The following DNA2 variants were observed in gnomAD, a reference collection of about 807,000 sequenced individuals.
DNA2 encodes the protein DNA replication helicase/nuclease 2.
A neutral mutation model predicts 119.1 loss-of-function variants in DNA2; 101 were observed. The observed-to-expected ratio is 0.85, with a 90% confidence interval of 0.72 to 1.00. The LOEUF is 1.00. Ranked by LOEUF, DNA2 falls within the 50% of genes least tolerant of loss-of-function variation. DNA2 has a pLI of 0.00. For synonymous variants in DNA2, 366 were observed against 424.4 expected (o/e 0.86, Z 1.69); for missense variants, 1,121 against 1,255.5 (o/e 0.89, Z 1.62).
chr10:68,451,096 T>TAAAAAAAAAAAAAAAAAAAA (rs754298528), intron 5 of DNA2, among the ~76,000 whole-genome samples: 2 of 98,848 alleles, frequency 2.0e-5, no homozygotes, highest in Non-Finnish European at 4.2e-5. Context: ...CAAGACTGTC[T>TAAAAAAAAAAAAAAAAAAAA]AAAAAAAAAA....
rs1554905593 is a variant in DNA2 at position 68,437,482 on chromosome 10, A to AAAC, written c.1416-242_1416-241insGTT. 7.9e-3 allele frequency among the ~76,000 whole-genome samples: 1,193 copies of AAAC among 151,184 alleles called. 26 individuals are homozygous for AAAC. The highest frequency in any genetic ancestry group is 0.028 in the African/African-American group (1,147 of 41,116). ...GAAAACCCTATCTCTACTAAAAAAA[A>AAAC]AAAAATAAAAATAAAAAATTAGCCA... is the stretch of plus-strand genomic sequence containing the variant. On this transcript the variant is annotated intron_variant, in intron 9 of 20. Coordinates refer to ENST00000358410, the MANE Select transcript of DNA2 (RefSeq NM_001080449.3).
At chr10:68,462,138 A>C (rs931687061) in intron 4 of DNA2, among the ~76,000 whole-genome samples, 1 of 152,224 alleles carries the variant, frequency 6.6e-6, no homozygotes, top group Non-Finnish European at 1.5e-5. Context: ...TGGGAAGCCA[A>C]GACGAGTGGA....
At position 68,468,253 on chromosome 10, in the gene DNA2, G is replaced by A; in HGVS notation, c.311C>T (p.Thr104Ile). 1 of 1,610,838 alleles carries A rather than the reference G, an allele frequency of 6.2e-7. No homozygotes were observed. Among genetic ancestry groups the A allele is most frequent in the Non-Finnish European group, 8.5e-7 (1 of 1,178,796 alleles). ...TTTATCTATTATCCAAGTGTCAGAT[G>A]TGCAGTCTCCCTCCAAATGAATGAT... ...GDIIHLEGDCTSDTWIIDKDF... is the reference protein window; with the variant it reads ...GDIIHLEGDCISDTWIIDKDF... Residue 104 changes from threonine (T) to isoleucine (I), a missense_variant, in exon 3 of 21, where the codon ACA becomes ATA. Coordinates refer to ENST00000358410, the MANE Select transcript of DNA2 (RefSeq NM_001080449.3).
chr10:68,433,119 A>G (rs2051843376), intron 10 of DNA2, among the ~76,000 whole-genome samples: 1 of 152,170 alleles, frequency 6.6e-6, no homozygotes, highest in Non-Finnish European at 1.5e-5. Context: ...GTGAAAGCAC[A>G]GTACTTTCAA....
intron 5 of DNA2, among the ~76,000 whole-genome samples, chr10:68,455,983 C>G (rs994266988): frequency 6.6e-6 from 1 of 151,928 alleles, no homozygotes; most frequent in Non-Finnish European, 1.5e-5. Context: ...TTTGGGAGGC[C>G]AAGGCAGGAG....
intron 5 of DNA2, among the ~76,000 whole-genome samples, chr10:68,452,975 A>G (rs1027619253): frequency 1.3e-5 from 2 of 150,942 alleles, no homozygotes; most frequent in Non-Finnish European, 2.9e-5. Context: ...ATCTCGGCTC[A>G]CTGCAACTTC....
Position 68,414,803 on chromosome 10 carries a change from C to G in DNA2, c.*236G>C, listed in dbSNP as rs1161020347. ...ATGTCTGACTTAAAAGTTTAAAGCT[C>G]AAAGTCAAAAGTTAATCCATCTTCA... On this transcript the variant is annotated 3_prime_UTR_variant, in exon 21 of 21. Coordinates refer to ENST00000358410, the MANE Select transcript of DNA2 (RefSeq NM_001080449.3). 1 of 393,610 alleles carries G rather than the reference C, an allele frequency of 2.5e-6. No individual in the cohort carries two copies. Among genetic ancestry groups the G allele is most frequent in the Non-Finnish European group, 4.7e-6 (1 of 213,656 alleles). The allele number at this position is 393,610 out of a possible 1,614,324, so 24.4% of individuals were successfully genotyped here. A position where few individuals can be genotyped will look rare whatever the true frequency, so the allele number is the denominator to read the frequency against.
chr10:68,419,859 C>T lies in DNA2; in HGVS notation c.2731G>A (p.Val911Met). The T allele has an allele frequency of 1.2e-6, 2 of 1,613,934 alleles. No homozygotes were observed. Among genetic ancestry groups the T allele is most frequent in the Non-Finnish European group, 1.7e-6 (2 of 1,179,864 alleles). ...AGTTTGGCTTCTGTTACATTGCTCA[C>T]ACCACCTTTTTCAACTTGTTCTGGC... ...PAPEQVEKGGVSNVTEAKLIV... is the reference protein window; with the variant it reads ...PAPEQVEKGGMSNVTEAKLIV... The change falls in exon 18 of 21, where the codon GTG becomes ATG. Residue 911 changes from valine to methionine, a missense_variant. By Grantham distance (21) the Val-to-Met change is conservative. Coordinates refer to ENST00000358410, the MANE Select transcript of DNA2 (RefSeq NM_001080449.3).
In DNA2 at chr10:68,444,962, A is replaced by T; in HGVS notation, c.1179T>A (p.Cys393Ter). The stretch of plus-strand genomic sequence containing the variant: ...AATTGCCAATTTGTGAACAATATTT[A>T]CAAGTTTTCTCTTCCTCAATTATTT... ...LPQIIEEEKT[C>*]KYCSQIGNCA... is the part of the protein sequence containing the mutation. The change falls in exon 8 of 21, where the codon TGT becomes TGA. Residue 393 changes from cysteine (C) to a stop codon, truncating the protein, a stop_gained. Transcript: ENST00000358410. LOFTEE classifies it high-confidence loss of function. The T allele has an allele frequency of 6.2e-7, 1 of 1,613,674 alleles. No individual in the cohort carries two copies. Among genetic ancestry groups the T allele is most frequent in the Non-Finnish European group, 8.5e-7 (1 of 1,179,710 alleles).
chr10:68,434,594 G>A lies in DNA2; in HGVS notation c.1647-2084C>T, dbSNP rs149775999. Among the ~76,000 whole-genome samples, 4 of 152,154 alleles carry A rather than the reference G, an allele frequency of 2.6e-5. No individual in the cohort carries two copies. In the East Asian group the frequency reaches 5.8e-4, roughly 22 times the overall value. ...TTGATCCCAGGAAGTCCAGGCTGCA[G>A]TGAACTGTGATCATGCCACTGTACT... is the stretch of plus-strand genomic sequence containing the variant. On this transcript the variant is annotated intron_variant, in intron 10 of 20. Coordinates refer to ENST00000358410, the MANE Select transcript of DNA2 (RefSeq NM_001080449.3).
chr10:68,425,386 G>T (rs1486282857), intron 14 of DNA2, among the ~76,000 whole-genome samples: 1 of 150,426 alleles, frequency 6.6e-6, no homozygotes, highest in African/African-American at 2.4e-5. Flanking sequence ...GAGCCACTGG[G>T]CCCGGCCATG....
At position 68,430,495 on chromosome 10, in the gene DNA2, T is replaced by C; in HGVS notation, c.2149A>G (p.Ile717Val). 1 of 1,612,152 alleles carries C rather than the reference T, an allele frequency of 6.2e-7. No individual in the cohort carries two copies. Among genetic ancestry groups the C allele is most frequent in the Non-Finnish European group, 8.5e-7 (1 of 1,179,100 alleles). The change falls in exon 14 of 21, where the codon ATT (isoleucine) becomes GTT (valine). Residue 717 changes from isoleucine to valine, a missense_variant. Transcript: ENST00000358410. ...GATTTAATGGACTTTGATCTGCAAA[T>C]TTCTTGCTCTGTAAATTGCTGGATA... The part of the protein sequence containing the change: ...PAIQQFTEQE[I>V]CRSKSIKSLA...
At chr10:68,451,096 TAAAAAAAAAAA>T (rs754298528) in intron 5 of DNA2, among the ~76,000 whole-genome samples, 2 of 98,848 alleles carry the variant, frequency 2.0e-5, no homozygotes, top group African/African-American at 3.7e-5. Context: ...CAAGACTGTC[TAAAAAAAAAAA>T]AAAAAAAAAA....
chr10:68,460,746 T>TA (rs1424643315), intron 4 of DNA2, among the ~76,000 whole-genome samples: 1 of 151,902 alleles, frequency 6.6e-6, no homozygotes, highest in Non-Finnish European at 1.5e-5. Flanking sequence ...CCACAATTTT[T>TA]AAAAAACATC....
intron 9 of DNA2, among the ~76,000 whole-genome samples, chr10:68,441,532 C>T (rs1249313904): frequency 6.6e-6 from 1 of 152,002 alleles, no homozygotes; most frequent in Non-Finnish European, 1.5e-5. Context: ...AATCCCATCA[C>T]TTTGGGAGGC....
At chr10:68,446,467 T>C (rs1247624717) in intron 6 of DNA2, 54 bp from the exon 7 acceptor site, 1 of 1,096,224 alleles carries the variant, frequency 9.1e-7, no homozygotes, top group African/African-American at 1.6e-5. Context: ...TGTATTTCCT[T>C]ACATTGTCTT....
intron 14 of DNA2, among the ~76,000 whole-genome samples, chr10:68,424,159 A>G (rs1281786236): frequency 1.3e-5 from 2 of 152,170 alleles, no homozygotes; most frequent in Non-Finnish European, 2.9e-5. Flanking sequence ...ACAAAGTCTC[A>G]GCCAAGAAAT....
chr10:68,470,706 AG>A (rs1224992951), intron 1 of DNA2: 3 of 376,040 alleles, frequency 8.0e-6, no homozygotes, highest in Non-Finnish European at 1.6e-5. Context: ...TACAAGTAAA[AG>A]GAGATGTTTT....
At chr10:68,471,623 C>T (rs2052382104) in intron 1 of DNA2, among the ~76,000 whole-genome samples, 168 bp downstream of exon 1, 1 of 152,178 alleles carries the variant, frequency 6.6e-6, no homozygotes, top group South Asian at 2.1e-4. Flanking sequence ...CCAAAGAACA[C>T]CTTGGGAGGC....
Sources: allele counts gnomAD v4.1 joint callset (sites outside exome capture counted in the v4.1 genomes callset), GRCh38; gene constraint gnomAD v4.1.1; transcripts MANE v1.5; gene names NCBI Gene and HGNC (gene_info 2026-07-23, HGNC 2026-07-21).